Variants in CCDC141 observed in about 807,000 individuals in gnomAD.
CCDC141 encodes the protein coiled-coil domain-containing protein 141.
CCDC141 carries 168 observed loss-of-function variants against 181.0 expected under a neutral mutation model. That is an observed-to-expected ratio of 0.93 (90% CI 0.82 to 1.05). The LOEUF is 1.05. Ranked by LOEUF, CCDC141 falls within the 50% of genes least tolerant of loss-of-function variation. CCDC141 has a pLI of 0.00. For synonymous variants in CCDC141, 666 were observed against 642.3 expected, an observed-to-expected ratio of 1.04 and a Z score of -0.56; for missense variants, 1,902 against 1,788.5, an observed-to-expected ratio of 1.06 and a Z score of -1.14.
At chr2:178,920,610 C>G (rs1377281801) in intron 6 of CCDC141, among the ~76,000 whole-genome samples, 2 of 151,816 alleles carry the variant, frequency 1.3e-5, no homozygotes, top group South Asian at 4.2e-4. Flanking sequence ...GTAGTTCCAG[C>G]TACTCGGTGG....
intron 2 of CCDC141, among the ~76,000 whole-genome samples, chr2:179,011,536 C>T (rs1243604979): frequency 6.6e-6 from 1 of 151,940 alleles, no homozygotes; most frequent in Non-Finnish European, 1.5e-5. Context: ...ACTTCAATAC[C>T]CCACTGACAA....
intron 8 of CCDC141, among the ~76,000 whole-genome samples, chr2:178,897,308 A>G (rs192241731): frequency 6.6e-6 from 1 of 152,354 alleles, no homozygotes; most frequent in African/African-American, 2.4e-5. Flanking sequence ...AAGACACTCA[A>G]TAAATATTTC....
At chr2:178,899,351 C>T (rs1687571302) in intron 8 of CCDC141, among the ~76,000 whole-genome samples, 1 of 152,138 alleles carries the variant, frequency 6.6e-6, no homozygotes, top group African/African-American at 2.4e-5. Flanking sequence ...AATGTATCCT[C>T]ACTGTTAAAC....
chr2:178,844,288 T>G (rs1036069718), intron 22 of CCDC141, among the ~76,000 whole-genome samples: 1 of 152,172 alleles, frequency 6.6e-6, no homozygotes, highest in Non-Finnish European at 1.5e-5. Flanking sequence ...TATTCTTTAT[T>G]GTGTCGACCA....
chr2:179,003,258 T>C (rs12471607), intron 2 of CCDC141, among the ~76,000 whole-genome samples: 81,324 of 152,072 alleles, frequency 0.53, 23,950 homozygotes, highest in East Asian at 0.67. Flanking sequence ...GTTTCTCCAG[T>C]GGTGGAGATG....
At chr2:178,845,855 T>C in intron 21 of CCDC141, 113 bp from the exon 22 acceptor site, 1 of 724,958 alleles carries the variant, frequency 1.4e-6, no homozygotes, top group Non-Finnish European at 2.5e-6. Context: ...AGCAAATATA[T>C]TCCACAAGAG....
intron 8 of CCDC141, among the ~76,000 whole-genome samples, chr2:178,891,757 C>T (rs1377720910): frequency 6.8e-6 from 1 of 147,054 alleles, no homozygotes; most frequent in Non-Finnish European, 1.5e-5. Context: ...AGGTGAATTA[C>T]AACCAATCAT....
chr2:178,880,516 C>T lies in CCDC141; in HGVS notation c.1720-2373G>A, dbSNP rs540100993. Among the ~76,000 whole-genome samples, 9 of 151,960 alleles carry T rather than the reference C, an allele frequency of 5.9e-5. No homozygotes were observed. The South Asian group carries it at 1.3e-3, about 21-fold the overall frequency. ...ACCGAGGAAGTGATGGTACAAGTGC[C>T]GAGAAAGGGGAGTTCAGAAATCTTT... On this transcript the variant is annotated intron_variant, in intron 11 of 23. Transcript: ENST00000443758.
At chr2:178,876,894 T>C (rs1686379109) in intron 12 of CCDC141, 1 of 152,132 alleles carries the variant, frequency 6.6e-6, no homozygotes, top group Non-Finnish European at 1.5e-5. Flanking sequence ...AGGTATAATA[T>C]GGGAGAGACA....
intron 2 of CCDC141, among the ~76,000 whole-genome samples, chr2:178,979,106 C>T (rs573165481): frequency 1.2e-4 from 19 of 152,132 alleles, no homozygotes; most frequent in African/African-American, 2.2e-4. Flanking sequence ...TTAATATGAC[C>T]GTGACGATTA....
chr2:178,931,656 G>A (rs1376750813), intron 6 of CCDC141, among the ~76,000 whole-genome samples: 3 of 152,140 alleles, frequency 2.0e-5, no homozygotes, highest in South Asian at 2.1e-4. Flanking sequence ...GTCAGGGGCC[G>A]AGGGGAGAGA....
At chr2:179,029,967 T>C (rs1344383999) in intron 2 of CCDC141, among the ~76,000 whole-genome samples, 1 of 152,144 alleles carries the variant, frequency 6.6e-6, no homozygotes, top group African/African-American at 2.4e-5. Context: ...AGAACAGGCT[T>C]TACCAGAGAT....
chr2:178,998,407 G>A (rs530625862), intron 2 of CCDC141, among the ~76,000 whole-genome samples: 61 of 152,246 alleles, frequency 4.0e-4, no homozygotes, highest in African/African-American at 1.4e-3. Flanking sequence ...AAGTATAATA[G>A]TACATATTGT....
At chr2:178,978,232 A>C (rs555976065) in intron 3 of CCDC141, among the ~76,000 whole-genome samples, 2 of 152,270 alleles carry the variant, frequency 1.3e-5, no homozygotes, top group African/African-American at 4.8e-5. Context: ...GAGTGTTCCC[A>C]TTATTACTTA....
intron 4 of CCDC141, among the ~76,000 whole-genome samples, chr2:178,962,589 CTTCT>C (rs908587306): frequency 3.9e-4 from 59 of 151,960 alleles, no homozygotes; most frequent in African/African-American, 6.5e-4. Flanking sequence ...TTTCCCTCCC[CTTCT>C]TTCTTTCTTT....
intron 22 of CCDC141, among the ~76,000 whole-genome samples, chr2:178,839,604 AAAAT>A (rs1481414217): frequency 3.3e-5 from 5 of 149,530 alleles, no homozygotes; most frequent in Non-Finnish European, 4.4e-5. Flanking sequence ...AAAAAAAAAA[AAAAT>A]GTGTTTTCAG....
intron 6 of CCDC141, chr2:178,926,614 C>T (rs542334569): frequency 1.1e-4 from 16 of 152,272 alleles, no homozygotes; most frequent in Non-Finnish European, 1.5e-4. Context: ...ATGAAACTGA[C>T]GCATTTCTTC....
the CCDC141 span, among the ~76,000 whole-genome samples, chr2:178,815,674 T>C: frequency 6.6e-6 from 1 of 152,224 alleles, no homozygotes; most frequent in Non-Finnish European, 1.5e-5. Context: ...AGTATTTGCA[T>C]TTAAACTATG....
intron 20 of CCDC141, 116 bp downstream of exon 20, chr2:178,853,325 A>G: frequency 1.2e-6 from 1 of 848,650 alleles, no homozygotes; most frequent in Non-Finnish European, 1.8e-6. Context: ...TTTTCCCTGA[A>G]TACACTGGTG....
Sources: allele counts gnomAD v4.1 joint callset (sites outside exome capture counted in the v4.1 genomes callset), GRCh38; gene constraint gnomAD v4.1.1; transcripts MANE v1.5; gene names NCBI Gene and HGNC (gene_info 2026-07-23, HGNC 2026-07-21).